Variants in ACSM3 observed in about 807,000 individuals in gnomAD.
ACSM3 encodes the protein acyl-coenzyme A synthetase ACSM3, mitochondrial.
Under a neutral mutation model 74.1 loss-of-function variants are expected in ACSM3, and 61 were observed. The ratio of observed to expected loss-of-function variants is 0.82; its 90% CI spans 0.67 to 1.02. The LOEUF is 1.02. ACSM3 is among the 50% of genes least tolerant of loss of function. The pLI is 0.00. For missense variants in ACSM3, 660 were observed against 697.0 expected (o/e 0.95, Z 0.60); for synonymous variants, 213 against 241.5 (o/e 0.88, Z 1.09).
At chr16:20,712,924 A>T (rs979320549) in intron 1 of ACSM3, among the ~76,000 whole-genome samples, 1 of 151,972 alleles carries the variant, frequency 6.6e-6, no homozygotes, top group Non-Finnish European at 1.5e-5. Flanking sequence ...AAAAAAAAAA[A>T]ACAAAAACCA....
chr16:20,769,303 G>A (rs970839451), intron 1 of ACSM3, among the ~76,000 whole-genome samples: 1 of 152,206 alleles, frequency 6.6e-6, no homozygotes, highest in African/African-American at 2.4e-5. Flanking sequence ...AGAAGCAGGC[G>A]ATGGCCCAGA....
At chr16:20,758,521 C>G (rs1257182062) in intron 3 of ACSM3, among the ~76,000 whole-genome samples, 1 of 151,994 alleles carries the variant, frequency 6.6e-6, no homozygotes, top group African/African-American at 2.4e-5. Flanking sequence ...TGATTCTTCT[C>G]TCTTTTTTTA....
intron 1 of ACSM3, chr16:20,741,578 C>T: frequency 6.3e-7 from 1 of 1,579,318 alleles, no homozygotes. Flanking sequence ...CGCACTTGCG[C>T]TCGTTCATAT....
chr16:20,685,639 G>A (rs1332504716), intron 1 of ACSM3, among the ~76,000 whole-genome samples: 3 of 151,782 alleles, frequency 2.0e-5, no homozygotes, highest in African/African-American at 4.8e-5. Flanking sequence ...GACCAACATG[G>A]TGAAACCCTG....
At chr16:20,706,601 T>C (rs1374581446) in intron 1 of ACSM3, among the ~76,000 whole-genome samples, 1 of 152,230 alleles carries the variant, frequency 6.6e-6, no homozygotes, top group African/African-American at 2.4e-5. Context: ...GGTAAACTCA[T>C]TGATGGTGGT....
At chr16:20,710,644 C>T (rs970766944) in intron 1 of ACSM3, among the ~76,000 whole-genome samples, 10 of 152,030 alleles carry the variant, frequency 6.6e-5, no homozygotes, top group African/African-American at 1.9e-4. Flanking sequence ...CATGCCCAGC[C>T]GATAATTTTT....
chr16:20,714,984 G>A (rs2079756125), intron 1 of ACSM3, among the ~76,000 whole-genome samples: 2 of 140,180 alleles, frequency 1.4e-5, no homozygotes. Context: ...ACAGACAGAT[G>A]GATAGACGAA....
At chr16:20,753,520 A>T (rs905416918) in intron 2 of ACSM3, among the ~76,000 whole-genome samples, 4 of 151,718 alleles carry the variant, frequency 2.6e-5, no homozygotes, top group Admixed American at 6.6e-5. Context: ...AATTATATTA[A>T]TAGAGGATTA....
At chr16:20,705,878 T>C (rs867631451) in intron 1 of ACSM3, among the ~76,000 whole-genome samples, 8 of 152,090 alleles carry the variant, frequency 5.3e-5, no homozygotes, top group Non-Finnish European at 8.8e-5. Flanking sequence ...ATAAAAATGT[T>C]AGTGGAAAAA....
At chr16:20,786,905 C>T (rs2080486494) in intron 9 of ACSM3, among the ~76,000 whole-genome samples, 1 of 152,172 alleles carries the variant, frequency 6.6e-6, no homozygotes, top group South Asian at 2.1e-4. Flanking sequence ...CAAGGGAGGT[C>T]AAGACCTTCT....
intron 1 of ACSM3, among the ~76,000 whole-genome samples, chr16:20,706,979 T>C (rs139778700): frequency 6.6e-6 from 1 of 152,260 alleles, no homozygotes; most frequent in African/African-American, 2.4e-5. Flanking sequence ...CAATTTTGCC[T>C]GTACATGGAG....
chr16:20,710,016 A>G (rs1811818279), intron 1 of ACSM3, among the ~76,000 whole-genome samples: 1 of 152,222 alleles, frequency 6.6e-6, no homozygotes, highest in Non-Finnish European at 1.5e-5. Flanking sequence ...TATACACTCC[A>G]CTTTATTCCC....
chr16:20,741,143 T>A (rs562271197), intron 1 of ACSM3, among the ~76,000 whole-genome samples: 1 of 152,252 alleles, frequency 6.6e-6, no homozygotes, highest in East Asian at 1.9e-4. Context: ...GCACTCATAG[T>A]CCCAGCTACT....
At chr16:20,702,991 C>T (rs1418083656) in intron 1 of ACSM3, 1 of 152,088 alleles carries the variant, frequency 6.6e-6, no homozygotes, top group East Asian at 1.9e-4. Context: ...ATGTTTGTAT[C>T]AGGTGTAATG....
intron 2 of ACSM3, among the ~76,000 whole-genome samples, chr16:20,755,034 C>A (rs2080018111): frequency 6.6e-6 from 1 of 152,026 alleles, no homozygotes; most frequent in South Asian, 2.1e-4. Context: ...TCCATAGAGA[C>A]CATGTCGGGA....
At chr16:20,741,400 A>T in intron 1 of ACSM3, 1 of 1,358,648 alleles carries the variant, frequency 7.4e-7, no homozygotes, top group Non-Finnish European at 9.8e-7. Context: ...TACAGCCGTC[A>T]CGCCGACGAC....
chr16:20,740,030 A>C (rs1454613122), intron 1 of ACSM3, among the ~76,000 whole-genome samples: 2 of 152,144 alleles, frequency 1.3e-5, no homozygotes, highest in Admixed American at 6.5e-5. Context: ...GTGAGATTAG[A>C]CCAAATACCT....
chr16:20,752,297 G>C (rs957318881), intron 2 of ACSM3, among the ~76,000 whole-genome samples: 1 of 152,046 alleles, frequency 6.6e-6, no homozygotes, highest in African/African-American at 2.4e-5. Flanking sequence ...TTGAGCCCAG[G>C]GTTTTAAGAC....
rs932180279 is a variant in ACSM3 at position 20,797,148 on chromosome 16, A to G, written c.*176A>G. ...AAATTTTGAAATAAAATATTTGGCAAATTCCTCCACATTAGTGTCAATGTT... is the reference window on the plus strand; with the variant it reads ...AAATTTTGAAATAAAATATTTGGCAGATTCCTCCACATTAGTGTCAATGTT... On this transcript the variant is annotated 3_prime_UTR_variant, in exon 14 of 14. Coordinates refer to ENST00000289416, the MANE Select transcript of ACSM3 (RefSeq NM_005622.4). The G allele has an allele frequency of 1.2e-4, 157 of 1,358,310 alleles. No homozygotes were observed. The highest frequency in any genetic ancestry group is 1.4e-4 in the Non-Finnish European group (145 of 1,058,462). 84.1% of individuals were successfully genotyped at this position (1,358,310 alleles called of 1,614,324 possible).
Sources: allele counts gnomAD v4.1 joint callset (sites outside exome capture counted in the v4.1 genomes callset), GRCh38; gene constraint gnomAD v4.1.1; transcripts MANE v1.5; gene names NCBI Gene and HGNC (gene_info 2026-07-23, HGNC 2026-07-21).